Variants in GPATCH8 observed in about 807,000 individuals in gnomAD.
GPATCH8 encodes G-patch domain containing 8, also known as G patch domain-containing protein 8.
GPATCH8 carries 18 observed loss-of-function variants against 118.3 expected under a neutral mutation model. The observed-to-expected ratio is 0.15, with a 90% CI of 0.11 to 0.23. The LOEUF is 0.23. Ranked by LOEUF, GPATCH8 falls within the 10% of genes least tolerant of loss-of-function variation. GPATCH8 has a pLI of 1.00. For synonymous variants in GPATCH8, 659 were observed against 684.7 expected (o/e 0.96, Z 0.59); for missense variants, 1,631 against 1,873.8 (o/e 0.87, Z 2.39).
chr17:44,477,848 C>T (rs991527706), intron 1 of GPATCH8, among the ~76,000 whole-genome samples: 2 of 152,082 alleles, frequency 1.3e-5, no homozygotes, highest in Non-Finnish European at 2.9e-5. Flanking sequence ...CTTGGTCTGT[C>T]GCCCAGGCTA....
Position 44,397,064 on chromosome 17 carries a change from A to G in GPATCH8, c.*504T>C, listed in dbSNP as rs1323585193. On this transcript the variant is annotated 3_prime_UTR_variant, in exon 8 of 8. Coordinates refer to ENST00000591680, the MANE Select transcript of GPATCH8 (RefSeq NM_001002909.4). ...CTGGGATAACGTAACGTCACCAAAG[A>G]TGGTCAAAGATACTACCCCAAAATG... The G allele has an allele frequency of 2.2e-6, 1 of 454,114 alleles. No individual in the cohort carries two copies. 28.1% of individuals were successfully genotyped at this position (454,114 alleles called of 1,614,324 possible). A position where few individuals can be genotyped will look rare whatever the true frequency, so the allele number is the denominator to read the frequency against.
At chr17:44,423,390 A>C (rs1482524899) in intron 6 of GPATCH8, among the ~76,000 whole-genome samples, 2 of 152,198 alleles carry the variant, frequency 1.3e-5, no homozygotes, top group Non-Finnish European at 2.9e-5. Flanking sequence ...CCAGCTTACA[A>C]ATTCTTCCAG....
At chr17:44,488,373 T>G (rs537574472) in intron 1 of GPATCH8, among the ~76,000 whole-genome samples, 6 of 151,224 alleles carry the variant, frequency 4.0e-5, no homozygotes, top group Non-Finnish European at 8.8e-5. Flanking sequence ...TTATTTTATT[T>G]TATTTATTTT....
At chr17:44,449,780 T>C (rs977440184) in intron 3 of GPATCH8, among the ~76,000 whole-genome samples, 1 of 152,220 alleles carries the variant, frequency 6.6e-6, no homozygotes, top group Non-Finnish European at 1.5e-5. Flanking sequence ...CCCAGAGTGC[T>C]GGGATTACAG....
At chr17:44,403,611 T>C (rs1225823593) in intron 7 of GPATCH8, among the ~76,000 whole-genome samples, 1 of 152,158 alleles carries the variant, frequency 6.6e-6, no homozygotes, top group Non-Finnish European at 1.5e-5. Context: ...CCTATTTATA[T>C]GATGTCCTTG....
Position 44,397,888 on chromosome 17 carries a change from G to C in GPATCH8, c.4189C>G (p.Pro1397Ala). 1 of 1,610,840 alleles carries C rather than the reference G, an allele frequency of 6.2e-7. No homozygotes were observed. The change falls in exon 8 of 8, where the codon CCC becomes GCC. Residue 1397 changes from proline to alanine, a missense_variant. Coordinates refer to ENST00000591680, the MANE Select transcript of GPATCH8 (RefSeq NM_001002909.4). ...ACCTGGGCAAGTGGTTGGGGATGGG[G>C]GTGAGGGTGAATGCCGATGGCGGCA... ...AAAAIGIHPH[P>A]HPQPLAQVHH...
intron 1 of GPATCH8, among the ~76,000 whole-genome samples, chr17:44,480,744 G>A (rs1053699594): frequency 1.3e-5 from 2 of 150,552 alleles, no homozygotes; most frequent in Non-Finnish European, 1.5e-5. Flanking sequence ...GATGACAGGC[G>A]CCTGTAATCC....
intron 6 of GPATCH8, among the ~76,000 whole-genome samples, chr17:44,411,606 C>A (rs938643261): frequency 2.6e-5 from 4 of 152,112 alleles, no homozygotes; most frequent in Admixed American, 2.0e-4. Flanking sequence ...CCACTAAAAT[C>A]CCATGTTCTA....
At chr17:44,461,578 T>C (rs1402162410) in intron 3 of GPATCH8, among the ~76,000 whole-genome samples, 2 of 152,244 alleles carry the variant, frequency 1.3e-5, no homozygotes, top group Non-Finnish European at 2.9e-5. Flanking sequence ...TTATGAGTTA[T>C]TGAGTACTTA....
chr17:44,403,395 A>T (rs151139190), intron 7 of GPATCH8, among the ~76,000 whole-genome samples: 37 of 151,724 alleles, frequency 2.4e-4, no homozygotes, highest in East Asian at 1.7e-3. Flanking sequence ...TTAAAAAAAA[A>T]TTTTGCAGAG....
intron 1 of GPATCH8, among the ~76,000 whole-genome samples, chr17:44,483,822 G>T (rs1198017617): frequency 8.2e-6 from 1 of 122,200 alleles, no homozygotes; most frequent in Non-Finnish European, 1.8e-5. Context: ...TTGTTTGGTT[G>T]TTTTTGTTGT....
chr17:44,397,870 C>T lies in GPATCH8; in HGVS notation c.4207G>A (p.Ala1403Thr). 1.9e-6 allele frequency: 3 copies of T among 1,606,622 alleles called. No homozygotes were observed. Among genetic ancestry groups the T allele is most frequent in the East Asian group, 2.2e-5 (1 of 44,758 alleles). ...GGCTGGGGAATATGATGCACCTGGG[C>T]AAGTGGTTGGGGATGGGGGTGAGGG... ...IHPHPHPQPL[A>T]QVHHIPQPHL... The change falls in exon 8 of 8, where the codon GCC becomes ACC. Residue 1403 changes from alanine (A) to threonine (T), a missense_variant. This residue lies in a region of GPATCH8 where 111 missense variants were observed against 112.4 expected (regional missense o/e 0.99). Coordinates refer to ENST00000591680, the MANE Select transcript of GPATCH8 (RefSeq NM_001002909.4).
At chr17:44,426,733 T>C (rs1269084009) in intron 5 of GPATCH8, among the ~76,000 whole-genome samples, 1 of 151,010 alleles carries the variant, frequency 6.6e-6, no homozygotes, top group East Asian at 2.0e-4. Context: ...TGACAATCAA[T>C]AGTGTAGTAA....
At chr17:44,437,535 G>GT (rs2050552176) in intron 3 of GPATCH8, among the ~76,000 whole-genome samples, 2 of 151,792 alleles carry the variant, frequency 1.3e-5, no homozygotes, top group Non-Finnish European at 1.5e-5. Flanking sequence ...TAAACAATTG[G>GT]TTTTTTTGGT....
At chr17:44,483,819 G>GTTGTTT (rs1263868015) in intron 1 of GPATCH8, among the ~76,000 whole-genome samples, 2 of 116,934 alleles carry the variant, frequency 1.7e-5, no homozygotes, top group Non-Finnish European at 3.9e-5. Flanking sequence ...TTTTTGTTTG[G>GTTGTTT]TTGTTTTTGT....
In GPATCH8 at chr17:44,396,333, C is replaced by G; in HGVS notation, c.*1235G>C. The G allele has an allele frequency of 4.4e-6, 2 of 454,512 alleles. No homozygotes were observed. Among genetic ancestry groups the G allele is most frequent in the Non-Finnish European group, 8.8e-6 (2 of 226,784 alleles). The allele number at this position is 454,512 out of a possible 1,614,324, so 28.2% of individuals were successfully genotyped here. A position where few individuals can be genotyped will look rare whatever the true frequency, so the allele number is the denominator to read the frequency against. On this transcript the variant is annotated 3_prime_UTR_variant, in exon 8 of 8. Coordinates refer to ENST00000591680, the MANE Select transcript of GPATCH8 (RefSeq NM_001002909.4). ...GGTCTACCTGTTTCTCTGTGTAAAA[C>G]AGCAAAAGTACATGAGGGAGACTGT...
chr17:44,403,715 T>C (rs7223523), intron 7 of GPATCH8, among the ~76,000 whole-genome samples: 148,339 of 151,202 alleles, frequency 0.98, 72,771 homozygotes, highest in East Asian at 1. Context: ...TCTCCCAAGC[T>C]GGAGTTTTGC....
At chr17:44,423,552 A>G (rs1306684876) in intron 6 of GPATCH8, among the ~76,000 whole-genome samples, 2 of 152,226 alleles carry the variant, frequency 1.3e-5, no homozygotes, top group African/African-American at 4.8e-5. Context: ...TACAAGTTTA[A>G]CAAATACAAC....
At chr17:44,429,694 A>ACACACACACACAAAAC (rs1195472951) in intron 5 of GPATCH8, among the ~76,000 whole-genome samples, 4 of 149,222 alleles carry the variant, frequency 2.7e-5, no homozygotes, top group Admixed American at 1.3e-4. Context: ...ACAAAACAAC[A>ACACACACACACAAAAC]AACAAACAAA....
Sources: gnomAD v4.1 joint callset for allele counts (sites outside exome capture counted in the v4.1 genomes callset) on GRCh38, gnomAD v4.1.1 for gene constraint, gnomAD v4.1.1 regional missense constraint, MANE v1.5 for transcripts, NCBI Gene and HGNC (gene_info 2026-07-23, HGNC 2026-07-21) for gene names.